Variants in PALLD observed in about 807,000 individuals in gnomAD.
PALLD encodes palladin, cytoskeletal associated protein, also known as palladin.
In PALLD, 61 loss-of-function variants were observed where a neutral mutation model predicts 123.5. The observed-to-expected ratio is 0.49, with a 90% CI of 0.40 to 0.61. PALLD has a LOEUF of 0.61. Among genes scored for constraint, PALLD ranks in the 20% least tolerant of loss-of-function variants. The pLI is 0.00. For missense variants in PALLD, 1,273 were observed against 1,377.0 expected (o/e 0.92, Z 1.20); for synonymous variants, 465 against 496.4 (o/e 0.94, Z 0.84).
chr4:168,728,827 A>G (rs1288442001), intron 10 of PALLD, among the ~76,000 whole-genome samples: 3 of 152,086 alleles, frequency 2.0e-5, no homozygotes, highest in African/African-American at 7.2e-5. Context: ...ACACTACACC[A>G]TATTTGTAGT....
intron 10 of PALLD, among the ~76,000 whole-genome samples, chr4:168,810,793 C>T (rs1176658630): frequency 8.4e-5 from 12 of 142,152 alleles, no homozygotes; most frequent in Admixed American, 3.7e-4. Context: ...CCGGCCTGGG[C>T]GACAGAGCGA....
chr4:168,909,347 G>C (rs995603657), intron 15 of PALLD, among the ~76,000 whole-genome samples: 19 of 152,128 alleles, frequency 1.2e-4, no homozygotes, highest in Non-Finnish European at 2.9e-5. Flanking sequence ...CATAAACTAT[G>C]AAATATAAAT....
At chr4:168,672,279 G>T (rs957955601) in intron 3 of PALLD, among the ~76,000 whole-genome samples, 4 of 152,090 alleles carry the variant, frequency 2.6e-5, no homozygotes, top group African/African-American at 9.7e-5. Context: ...AGCTACTTAA[G>T]ACCATATAAG....
intron 2 of PALLD, among the ~76,000 whole-genome samples, chr4:168,553,689 G>A (rs1425904523): frequency 9.0e-6 from 1 of 110,544 alleles, no homozygotes; most frequent in Admixed American, 8.9e-5. Flanking sequence ...ACCCATTTTT[G>A]TTGTTGTTGT....
intron 2 of PALLD, among the ~76,000 whole-genome samples, chr4:168,525,679 A>G (rs552128070): frequency 1.8e-4 from 28 of 152,346 alleles, no homozygotes; most frequent in Non-Finnish European, 2.9e-4. Context: ...GGAAAATGCC[A>G]ATGGTATACC....
intron 10 of PALLD, among the ~76,000 whole-genome samples, chr4:168,760,631 C>T (rs1732698998): frequency 6.6e-6 from 1 of 152,154 alleles, no homozygotes; most frequent in Non-Finnish European, 1.5e-5. Context: ...TACTACTTCC[C>T]TCTGTGGAGA....
intron 17 of PALLD, among the ~76,000 whole-genome samples, chr4:168,919,465 C>T (rs1225588900): frequency 6.7e-6 from 1 of 149,678 alleles, no homozygotes; most frequent in Non-Finnish European, 1.5e-5. Context: ...GCGGAGGTTG[C>T]AGTAAGCTGA....
Position 168,624,542 on chromosome 4 carries a change from G to C in PALLD, c.909-43648G>C, listed in dbSNP as rs569849562. On this transcript the variant is annotated intron_variant, in intron 2 of 21. Coordinates refer to ENST00000505667, the MANE Select transcript of PALLD (RefSeq NM_001166108.2). ...CCATTTCCATTAAAATAAAAAATAAGACAAGAATGCCCACTCTTACTACTG... is the reference window on the plus strand; with the variant it reads ...CCATTTCCATTAAAATAAAAAATAACACAAGAATGCCCACTCTTACTACTG... 2.6e-5 allele frequency among the ~76,000 whole-genome samples: 4 copies of C among 151,970 alleles called. No homozygotes were observed. In the South Asian group the frequency reaches 6.2e-4, roughly 24 times the overall value.
intron 2 of PALLD, among the ~76,000 whole-genome samples, chr4:168,601,027 A>G (rs1341670657): frequency 6.6e-6 from 1 of 152,162 alleles, no homozygotes. Context: ...ATATTAAGAA[A>G]TCAATGATTT....
intron 2 of PALLD, among the ~76,000 whole-genome samples, chr4:168,596,774 T>TA (rs1008548356): frequency 3.3e-5 from 5 of 150,878 alleles, no homozygotes; most frequent in South Asian, 2.1e-4. Flanking sequence ...CCTTGGTTTC[T>TA]AAAAAAAATT....
intron 10 of PALLD, among the ~76,000 whole-genome samples, chr4:168,803,348 C>T (rs138524672): frequency 4.2e-4 from 64 of 152,116 alleles, no homozygotes; most frequent in African/African-American, 1.3e-3. Flanking sequence ...AGAAGTCACT[C>T]ACTATCATGA....
At chr4:168,657,393 A>G (rs765338612) in intron 2 of PALLD, among the ~76,000 whole-genome samples, 17 of 152,226 alleles carry the variant, frequency 1.1e-4, no homozygotes, top group Non-Finnish European at 2.5e-4. Flanking sequence ...AGGAAACTCT[A>G]GTCTTAGCCC....
chr4:168,555,140 T>C (rs970619073), intron 2 of PALLD, among the ~76,000 whole-genome samples: 1 of 152,192 alleles, frequency 6.6e-6, no homozygotes, highest in Non-Finnish European at 1.5e-5. Context: ...GTAGATCTAC[T>C]ATTATTAAAG....
intron 10 of PALLD, among the ~76,000 whole-genome samples, chr4:168,741,340 GTTTT>G (rs796787957): frequency 2.2e-4 from 22 of 97,980 alleles, no homozygotes; most frequent in African/African-American, 1.1e-3. Context: ...CCTTATATTT[GTTTT>G]TTTTGTGTGT....
chr4:168,514,278 AGCTTT>A (rs992875686), intron 2 of PALLD, among the ~76,000 whole-genome samples: 14 of 152,158 alleles, frequency 9.2e-5, no homozygotes, highest in African/African-American at 3.4e-4. Context: ...CACTAACACA[AGCTTT>A]GCTAGTGTTG....
At position 168,711,569 on chromosome 4, in the gene PALLD, C is replaced by T. The variant is rs1312333351; in HGVS notation, c.1622-12C>T. On this transcript the variant is annotated splice_polypyrimidine_tract_variant and intron_variant, in intron 9 of 21. Coordinates refer to ENST00000505667, the MANE Select transcript of PALLD (RefSeq NM_001166108.2). ...ATCTTCTTATGTTTTTCCTCTCTTT[C>T]CCCTTCCTTAGCCAACACTGAAAAC... The T allele has an allele frequency of 7.5e-6, 12 of 1,592,604 alleles. No homozygotes were observed. Among genetic ancestry groups the T allele is most frequent in the Non-Finnish European group, 1.0e-5 (12 of 1,160,576 alleles).
chr4:168,715,842 C>G lies in PALLD; in HGVS notation c.1964+3919C>G, dbSNP rs1421687466. Among the ~76,000 whole-genome samples, 5 of 151,998 alleles carry G rather than the reference C, an allele frequency of 3.3e-5. No individual in the cohort carries two copies. The South Asian group carries it at 1.0e-3, about 32-fold the overall frequency. ...GCAGGTGCCTGTAGTCCCAGCTACT[C>G]GGGAGGCTGAGGCAGGAGAATGGCG... On this transcript the variant is annotated intron_variant, in intron 10 of 21. Coordinates refer to ENST00000505667, the MANE Select transcript of PALLD (RefSeq NM_001166108.2).
intron 14 of PALLD, among the ~76,000 whole-genome samples, chr4:168,901,881 A>G (rs1381723078): frequency 6.6e-6 from 1 of 152,210 alleles, no homozygotes; most frequent in Non-Finnish European, 1.5e-5. Flanking sequence ...CAACTACTAA[A>G]AAGTAAAATA....
intron 10 of PALLD, among the ~76,000 whole-genome samples, chr4:168,867,905 A>AG (rs1251400092): frequency 3.3e-5 from 5 of 150,226 alleles, no homozygotes; most frequent in African/African-American, 4.9e-5. Flanking sequence ...TTAAGTGAAG[A>AG]GAAAAAAAAA....
Sources: allele counts gnomAD v4.1 joint callset (sites outside exome capture counted in the v4.1 genomes callset), GRCh38; gene constraint gnomAD v4.1.1; transcripts MANE v1.5; gene names NCBI Gene and HGNC (gene_info 2026-07-23, HGNC 2026-07-21).